The following NRF1 variants were observed in gnomAD, a reference collection of about 807,000 sequenced individuals.
NRF1 encodes the protein nuclear respiratory factor 1.
In NRF1, 5 loss-of-function variants were observed where a neutral mutation model predicts 58.5. The ratio of observed to expected loss-of-function variants is 0.09; its 90% CI spans 0.04 to 0.18. NRF1 has a LOEUF of 0.18. Ranked by LOEUF, NRF1 falls within the 10% of genes least tolerant of loss-of-function variation. The probability of loss-of-function intolerance (pLI) is 1.00; values close to 1 mark genes in which losing one functional copy is unlikely to be tolerated. For missense variants in NRF1, 288 were observed against 657.7 expected (o/e 0.44, Z 6.15); for synonymous variants, 224 against 246.7 (o/e 0.91, Z 0.86).
At chr7:129,689,579 G>A (rs917374599) in intron 4 of NRF1, among the ~76,000 whole-genome samples, 4 of 152,116 alleles carry the variant, frequency 2.6e-5, no homozygotes, top group Non-Finnish European at 5.9e-5. Flanking sequence ...CCATTATATT[G>A]GTGGTTGGAA....
chr7:129,625,091 G>A (rs1214272761), intron 1 of NRF1, among the ~76,000 whole-genome samples: 1 of 152,154 alleles, frequency 6.6e-6, no homozygotes, highest in Non-Finnish European at 1.5e-5. Flanking sequence ...AGGAGACTCT[G>A]GGGGAGAATC....
chr7:129,729,045 C>T (rs1012417130), intron 10 of NRF1, among the ~76,000 whole-genome samples: 12 of 152,166 alleles, frequency 7.9e-5, no homozygotes, highest in Non-Finnish European at 1.5e-5. Flanking sequence ...GGATATCTGG[C>T]TTATGTGGCA....
intron 4 of NRF1, among the ~76,000 whole-genome samples, chr7:129,681,104 G>A (rs1415949341): frequency 2.0e-5 from 3 of 152,206 alleles, no homozygotes; most frequent in Non-Finnish European, 4.4e-5. Context: ...TTATAAGAGG[G>A]AAGCAAAGGG....
chr7:129,615,446 A>G (rs888267360), intron 1 of NRF1, among the ~76,000 whole-genome samples: 1 of 152,166 alleles, frequency 6.6e-6, no homozygotes, highest in Non-Finnish European at 1.5e-5. Context: ...ATTAATATGT[A>G]TATATAGAGT....
chr7:129,732,575 T>C (rs1803606123), intron 10 of NRF1, among the ~76,000 whole-genome samples: 1 of 146,884 alleles, frequency 6.8e-6, no homozygotes, highest in African/African-American at 2.5e-5. Flanking sequence ...AGTGGGGTTT[T>C]TTTGGGTTTT....
At chr7:129,710,689 C>A in intron 7 of NRF1, 118 bp downstream of exon 7, 2 of 651,876 alleles carry the variant, frequency 3.1e-6, no homozygotes, top group East Asian at 2.6e-5. Flanking sequence ...ATATAGCTCC[C>A]CAAGATCTTC....
intron 1 of NRF1, among the ~76,000 whole-genome samples, chr7:129,648,934 A>G (rs1336602355): frequency 6.7e-6 from 1 of 148,282 alleles, no homozygotes; most frequent in African/African-American, 2.5e-5. Flanking sequence ...TTTTTTTTCA[A>G]CTGTAGAGCC....
At chr7:129,644,282 G>A (rs1801357939) in intron 1 of NRF1, among the ~76,000 whole-genome samples, 1 of 152,194 alleles carries the variant, frequency 6.6e-6, no homozygotes, top group Admixed American at 6.5e-5. Context: ...GGTAGGTAGG[G>A]TCATCTATAA....
rs183873367 is a variant in NRF1, at chr7:129,660,873, T to C, written c.223+3299T>C. ...CCCCGAAGGGACTCTGTGTGAGGTC[T>C]CCGACCCAACCCCACATTTCCCTTA... On this transcript the variant is annotated intron_variant, in intron 2 of 10. Coordinates refer to ENST00000393232, the MANE Select transcript of NRF1 (RefSeq NM_005011.5). Among the ~76,000 whole-genome samples the C allele has an allele frequency of 8.1e-4, 123 of 151,132 alleles. 8 individuals are homozygous for C. The highest frequency in any genetic ancestry group is 2.9e-3 in the African/African-American group (118 of 40,422).
intron 4 of NRF1, among the ~76,000 whole-genome samples, chr7:129,684,713 C>T (rs915122758): frequency 2.6e-5 from 4 of 152,008 alleles, no homozygotes; most frequent in African/African-American, 9.7e-5. Flanking sequence ...AATGAAGAAC[C>T]GTGGGAGTTG....
At chr7:129,662,195 G>A (rs1044779510) in intron 2 of NRF1, among the ~76,000 whole-genome samples, 2 of 152,082 alleles carry the variant, frequency 1.3e-5, no homozygotes, top group Non-Finnish European at 2.9e-5. Context: ...TGAGATTTGG[G>A]TGGGGACACA....
intron 1 of NRF1, among the ~76,000 whole-genome samples, chr7:129,637,944 TC>T (rs544271013): frequency 2.0e-5 from 3 of 152,138 alleles, no homozygotes; most frequent in Non-Finnish European, 4.4e-5. Context: ...AGACAATTCT[TC>T]CAACGTGGCC....
intron 4 of NRF1, 127 bp from the exon 5 acceptor site, chr7:129,690,279 G>T: frequency 1.2e-6 from 1 of 802,204 alleles, no homozygotes; most frequent in Non-Finnish European, 2.0e-6. Flanking sequence ...TTTGCTTGTA[G>T]AAGTGTTTGT....
intron 1 of NRF1, among the ~76,000 whole-genome samples, chr7:129,615,547 T>G (rs558509079): frequency 6.6e-6 from 1 of 152,366 alleles, no homozygotes; most frequent in African/African-American, 2.4e-5. Flanking sequence ...TTCTTTATGT[T>G]CTTTCATGTT....
chr7:129,745,367 T>C (rs1584691875), intron 10 of NRF1, among the ~76,000 whole-genome samples: 1 of 152,090 alleles, frequency 6.6e-6, no homozygotes, highest in African/African-American at 2.4e-5. Flanking sequence ...AGGAGGTGGG[T>C]GGCAGGTGAG....
At chr7:129,717,431 T>C in intron 9 of NRF1, 55 bp downstream of exon 9, 2 of 1,539,490 alleles carry the variant, frequency 1.3e-6, no homozygotes, top group South Asian at 1.3e-5. Flanking sequence ...CCTGCAGATA[T>C]GGGTGGAGGC....
At chr7:129,622,866 A>T (rs1448664331) in intron 1 of NRF1, among the ~76,000 whole-genome samples, 1 of 152,184 alleles carries the variant, frequency 6.6e-6, no homozygotes, top group Non-Finnish European at 1.5e-5. Context: ...CACTGCGACC[A>T]GCTGGTTTAG....
At chr7:129,643,991 C>G (rs961322685) in intron 1 of NRF1, among the ~76,000 whole-genome samples, 4 of 152,184 alleles carry the variant, frequency 2.6e-5, no homozygotes, top group Non-Finnish European at 4.4e-5. Context: ...GTTGCTGCTG[C>G]CTGCAGTGCC....
chr7:129,660,581 C>T (rs1200612156), intron 2 of NRF1, among the ~76,000 whole-genome samples: 6 of 150,914 alleles, frequency 4.0e-5, no homozygotes, highest in African/African-American at 1.2e-4. Context: ...TCCAGCAGGG[C>T]CGTCAAATCT....
Sources: gnomAD v4.1 joint callset for allele counts (sites outside exome capture counted in the v4.1 genomes callset) on GRCh38, gnomAD v4.1.1 for gene constraint, MANE v1.5 for transcripts, NCBI Gene and HGNC (gene_info 2026-07-23, HGNC 2026-07-21) for gene names.